TTC23L: variants seen among roughly 807,000 people sequenced by gnomAD.
TTC23L encodes tetratricopeptide repeat domain 23 like, also known as tetratricopeptide repeat protein 23-like.
TTC23L carries 42 observed loss-of-function variants against 48.1 expected under a neutral mutation model. That is an observed-to-expected ratio of 0.87 (90% confidence interval 0.68 to 1.13). The LOEUF (loss-of-function observed/expected upper bound fraction) is 1.13, where lower values mean the gene tolerates loss of function less well. Ranked by LOEUF, TTC23L falls within the 50% of genes most tolerant of loss-of-function variation. The probability of loss-of-function intolerance (pLI) is 0.00; values close to 1 mark genes in which losing one functional copy is unlikely to be tolerated. For missense variants in TTC23L, 391 were observed against 421.0 expected, an observed-to-expected ratio of 0.93 and a Z score of 0.62; for synonymous variants, 159 against 157.2, an observed-to-expected ratio of 1.01 and a Z score of -0.09.
At chr5:34,908,945 G>A in the TTC23L span, 32 of 1,603,592 alleles carry the variant, frequency 2.0e-5, no homozygotes, top group Middle Eastern at 5.0e-4. Flanking sequence ...AGGAAATCTT[G>A]TATCTGTAGA....
At chr5:34,887,933 C>A (rs1458724289) in intron 9 of TTC23L, among the ~76,000 whole-genome samples, 1 of 152,126 alleles carries the variant, frequency 6.6e-6, no homozygotes, top group African/African-American at 2.4e-5. Context: ...TAGATTTTTA[C>A]CTGGCAATAA....
At chr5:34,853,325 G>A (rs1443802402) in intron 4 of TTC23L, among the ~76,000 whole-genome samples, 1 of 152,126 alleles carries the variant, frequency 6.6e-6, no homozygotes, top group African/African-American at 2.4e-5. Flanking sequence ...GAGGTCAGGA[G>A]CTGGAGACCA....
the TTC23L span, chr5:34,914,809 GGAGA>G: frequency 6.2e-7 from 1 of 1,614,228 alleles, no homozygotes; most frequent in Non-Finnish European, 8.5e-7. Context: ...TCAAGATAGT[GGAGA>G]GATTCCTAAC....
the TTC23L span, chr5:34,907,178 T>G: frequency 6.6e-6 from 1 of 152,224 alleles, no homozygotes; most frequent in Non-Finnish European, 1.5e-5. Flanking sequence ...AAACCAATTT[T>G]CTCTAATGCT....
At chr5:34,849,678 G>A (rs746291552) in intron 3 of TTC23L, among the ~76,000 whole-genome samples, 2 of 152,090 alleles carry the variant, frequency 1.3e-5, no homozygotes, top group African/African-American at 2.4e-5. Context: ...AGGTATTTAC[G>A]AAATGTTAAC....
the TTC23L span, chr5:34,909,270 G>A: frequency 6.2e-7 from 1 of 1,607,112 alleles, no homozygotes; most frequent in African/African-American, 1.3e-5. Flanking sequence ...GTTGACTTGG[G>A]TCTGATTACA....
intron 9 of TTC23L, among the ~76,000 whole-genome samples, chr5:34,887,802 T>C (rs1307713093): frequency 6.6e-6 from 1 of 152,138 alleles, no homozygotes; most frequent in Admixed American, 6.5e-5. Context: ...ATGATTGGAA[T>C]AGAAGCTGTA....
chr5:34,915,760 C>G, the TTC23L span: 1 of 1,603,060 alleles, frequency 6.2e-7, no homozygotes, highest in African/African-American at 1.3e-5. Context: ...CAAGAGGAAA[C>G]GGCGTGGAGG....
At chr5:34,903,841 A>G (rs1763567819), downstream of TTC23L, among the ~76,000 whole-genome samples, 1 of 152,242 alleles carries the variant, frequency 6.6e-6, no homozygotes, top group Non-Finnish European at 1.5e-5. Context: ...GCTAACAAGC[A>G]CTGACATTTT....
At chr5:34,888,575 G>A in intron 9 of TTC23L, 3 of 940,066 alleles carry the variant, frequency 3.2e-6, no homozygotes, top group Non-Finnish European at 2.5e-6. Context: ...TGTCATCAAT[G>A]TGGATATATG....
chr5:34,853,002 TGA>T (rs1759804441), intron 4 of TTC23L, among the ~76,000 whole-genome samples: 4 of 152,076 alleles, frequency 2.6e-5, no homozygotes, highest in African/African-American at 9.7e-5. Flanking sequence ...CCTGCCCCTG[TGA>T]TTGAATTACC....
At chr5:34,873,530 A>C (rs979866204) in intron 8 of TTC23L, among the ~76,000 whole-genome samples, 1 of 152,196 alleles carries the variant, frequency 6.6e-6, no homozygotes, top group Non-Finnish European at 1.5e-5. Flanking sequence ...CATTGGAGGC[A>C]GACTTAATAT....
the TTC23L span, among the ~76,000 whole-genome samples, chr5:34,924,005 ATAGAAGTTTCTCTCTCAAAGCT>A: frequency 2.0e-4 from 30 of 152,332 alleles, no homozygotes; most frequent in East Asian, 1.4e-3. Flanking sequence ...ATACAGTAAA[ATAGAAGTTTCTCTCTCAAAGCT>A]TAGAAGTTTC....
the TTC23L span, chr5:34,911,471 A>G: frequency 6.7e-7 from 1 of 1,499,242 alleles, no homozygotes. Context: ...GTGGATAATA[A>G]AAATTTTGCA....
intron 6 of TTC23L, among the ~76,000 whole-genome samples, chr5:34,864,970 T>A (rs1414582805): frequency 1.3e-5 from 2 of 152,248 alleles, no homozygotes; most frequent in African/African-American, 4.8e-5. Context: ...TGTGACATTT[T>A]AGATGAAGGA....
chr5:34,905,641 G>C, the TTC23L span: 1 of 151,930 alleles, frequency 6.6e-6, no homozygotes, highest in Non-Finnish European at 1.5e-5. Context: ...ACTAGAAAGA[G>C]AGATAAACTT....
At chr5:34,892,652 G>A (rs1001915383) in intron 9 of TTC23L, among the ~76,000 whole-genome samples, 4 of 152,168 alleles carry the variant, frequency 2.6e-5, no homozygotes, top group Non-Finnish European at 5.9e-5. Flanking sequence ...GAAACTCTGC[G>A]TAGGTTGGGG....
chr5:34,895,021 A>G (rs1373004222), intron 9 of TTC23L, among the ~76,000 whole-genome samples: 3 of 152,186 alleles, frequency 2.0e-5, no homozygotes, highest in African/African-American at 7.2e-5. Context: ...GACATCACTG[A>G]TATTAGCATG....
At chr5:34,882,167 G>T (rs1477032050) in intron 9 of TTC23L, among the ~76,000 whole-genome samples, 4 of 152,126 alleles carry the variant, frequency 2.6e-5, no homozygotes, top group Non-Finnish European at 5.9e-5. Flanking sequence ...TTATATTCTG[G>T]TGCAGTGAAT....
Sources: gnomAD v4.1 joint callset for allele counts (sites outside exome capture counted in the v4.1 genomes callset) on GRCh38, gnomAD v4.1.1 for gene constraint, MANE v1.5 for transcripts, NCBI Gene and HGNC (gene_info 2026-07-23, HGNC 2026-07-21) for gene names.